Variants in C13orf46 observed in about 807,000 individuals in gnomAD.
C13orf46 encodes chromosome 13 open reading frame 46, also known as uncharacterized protein C13orf46.
chr13:113,930,201 G>T, the C13orf46 span, among the ~76,000 whole-genome samples: 1 of 152,194 alleles, frequency 6.6e-6, no homozygotes, highest in Non-Finnish European at 1.5e-5. Flanking sequence ...CCATCTGCAC[G>T]GCGCAGTCCA....
intron 6 of C13orf46, among the ~76,000 whole-genome samples, chr13:113,963,679 A>ACGGCCCCTGTCCTCAGCCT (rs2052611142): frequency 1.5e-5 from 2 of 133,906 alleles, no homozygotes; most frequent in Admixed American, 7.3e-5. Flanking sequence ...GTCCTCAGCC[A>ACGGCCCCTGTCCTCAGCCT]CGGCCCCTGT....
the C13orf46 span, among the ~76,000 whole-genome samples, chr13:113,945,680 A>AGAAAGAAAGAAAGAAAGAAAGGAAAG: frequency 2.2e-5 from 2 of 92,638 alleles, no homozygotes; most frequent in Admixed American, 1.0e-4. Context: ...AAGGAAAGAA[A>AGAAAGAAAGAAAGAAAGAAAGGAAAG]AACAAACCAA....
the C13orf46 span, among the ~76,000 whole-genome samples, chr13:113,934,216 C>G: frequency 1.3e-5 from 2 of 152,228 alleles, no homozygotes; most frequent in Non-Finnish European, 2.9e-5. Context: ...GGAGGCACCA[C>G]GATGCGTCGG....
the C13orf46 span, among the ~76,000 whole-genome samples, chr13:113,935,911 T>A: frequency 6.6e-6 from 1 of 152,204 alleles, no homozygotes; most frequent in Non-Finnish European, 1.5e-5. Context: ...TCACAGACAA[T>A]CCTTGTGCCA....
the C13orf46 span, among the ~76,000 whole-genome samples, chr13:113,930,753 A>G: frequency 6.6e-6 from 1 of 152,230 alleles, no homozygotes; most frequent in African/African-American, 2.4e-5. Context: ...GAGTATCAAC[A>G]TCACCCACAT....
chr13:113,950,212 T>C (rs1479519716), downstream of C13orf46, among the ~76,000 whole-genome samples: 11 of 112,488 alleles, frequency 9.8e-5, no homozygotes, highest in African/African-American at 1.4e-4. Flanking sequence ...CCCCCTGCCT[T>C]GGGAACCTCG....
rs964494168 is a variant in C13orf46 at position 113,959,754 on chromosome 13, G to A, written c.573-2915C>T. ...ATCTGCGATGATAGAGTTAACATGT[G>A]GACTTGTCCAAGTTATCTCTCTTTT... is the stretch of plus-strand genomic sequence containing the variant. On this transcript the variant is annotated intron_variant, in intron 6 of 6. Coordinates refer to ENST00000636427, the MANE Select transcript of C13orf46 (RefSeq NM_001365455.2). 3.9e-4 allele frequency among the ~76,000 whole-genome samples: 59 copies of A among 152,314 alleles called. 1 individual carries two copies. The South Asian group carries it at 0.012, about 30-fold the overall frequency.
chr13:113,926,797 G>A, the C13orf46 span: 1 of 152,340 alleles, frequency 6.6e-6, no homozygotes, highest in Middle Eastern at 3.4e-3. Flanking sequence ...ATGCCCATGA[G>A]CGAGCCTACC....
At chr13:113,952,641 C>T (rs1008493014), downstream of C13orf46, among the ~76,000 whole-genome samples, 1 of 152,346 alleles carries the variant, frequency 6.6e-6, no homozygotes, top group African/African-American at 2.4e-5. Context: ...CCTAGAAAGC[C>T]CAGGCGGCAT....
At chr13:113,945,634 A>AAG in the C13orf46 span, among the ~76,000 whole-genome samples, 37 of 135,834 alleles carry the variant, frequency 2.7e-4, no homozygotes, top group African/African-American at 9.8e-4. Context: ...GAAAGAAAGA[A>AAG]AGAAAGAAAG....
At chr13:113,930,421 G>C in the C13orf46 span, among the ~76,000 whole-genome samples, 1 of 136,252 alleles carries the variant, frequency 7.3e-6, no homozygotes, top group Admixed American at 7.2e-5. Context: ...GGAGCACCGA[G>C]GCGGGGGCGC....
At chr13:113,943,932 G>A in the C13orf46 span, among the ~76,000 whole-genome samples, 2 of 152,142 alleles carry the variant, frequency 1.3e-5, no homozygotes, top group African/African-American at 4.8e-5. Flanking sequence ...CACACTCATC[G>A]TGGGCAGGTT....
intron 6 of C13orf46, among the ~76,000 whole-genome samples, chr13:113,958,082 A>G (rs1395252014): frequency 2.5e-5 from 3 of 120,844 alleles, no homozygotes; most frequent in African/African-American, 9.7e-5. Context: ...TGCACTCTGT[A>G]TGCACCCCCT....
chr13:113,953,684 G>A (rs1247341361), downstream of C13orf46: 2 of 152,258 alleles, frequency 1.3e-5, no homozygotes, highest in Non-Finnish European at 2.9e-5. Flanking sequence ...CACACGCGGC[G>A]ACAGGACGAA....
chr13:113,965,543 T>C (rs2052626733), intron 5 of C13orf46, among the ~76,000 whole-genome samples: 1 of 152,204 alleles, frequency 6.6e-6, no homozygotes, highest in African/African-American at 2.4e-5. Flanking sequence ...ATGGTGGTGA[T>C]AATGTTGATG....
downstream of C13orf46, among the ~76,000 whole-genome samples, chr13:113,951,829 C>T (rs1251718710): frequency 1.3e-5 from 2 of 152,262 alleles, no homozygotes; most frequent in Non-Finnish European, 1.5e-5. Flanking sequence ...GGGAACGGGG[C>T]TCCAAGAGGC....
the C13orf46 span, among the ~76,000 whole-genome samples, chr13:113,948,282 T>TG: frequency 6.6e-6 from 1 of 152,256 alleles, no homozygotes; most frequent in Non-Finnish European, 1.5e-5. Flanking sequence ...ACCTGCCTCC[T>TG]GGGACTGAAG....
intron 6 of C13orf46, among the ~76,000 whole-genome samples, chr13:113,961,671 A>G (rs1251452778): frequency 6.6e-6 from 1 of 152,188 alleles, no homozygotes; most frequent in Admixed American, 6.5e-5. Context: ...GAGCACAATT[A>G]ATGACATAAT....
At chr13:113,931,084 G>A in the C13orf46 span, among the ~76,000 whole-genome samples, 970 of 152,284 alleles carry the variant, frequency 6.4e-3, 8 homozygotes, top group Non-Finnish European at 8.8e-3. Context: ...CTGCTGACAT[G>A]CCACGTGTGC....
Sources: gnomAD v4.1 joint callset for allele counts (sites outside exome capture counted in the v4.1 genomes callset) on GRCh38, gnomAD v4.1.1 for gene constraint, MANE v1.5 for transcripts, NCBI Gene and HGNC (gene_info 2026-07-23, HGNC 2026-07-21) for gene names.